OXSR1: variants seen among roughly 807,000 people sequenced by gnomAD.
OXSR1 encodes serine/threonine-protein kinase OSR1.
Under a neutral mutation model 79.8 loss-of-function variants are expected in OXSR1, and 24 were observed. That is an observed-to-expected ratio of 0.30 (90% CI 0.22 to 0.42). OXSR1 has a LOEUF of 0.42. OXSR1 is among the 10% of genes least tolerant of loss of function. OXSR1 has a pLI of 1.00. For missense variants in OXSR1, 430 were observed against 618.4 expected (o/e 0.70, Z 3.23); for synonymous variants, 226 against 209.2 (o/e 1.08, Z -0.69).
intron 4 of OXSR1, among the ~76,000 whole-genome samples, chr3:38,212,208 A>G (rs1383553589): frequency 6.6e-6 from 1 of 152,210 alleles, no homozygotes; most frequent in East Asian, 1.9e-4. Context: ...ACTGAGACCT[A>G]GGCTTAGGAG....
chr3:38,186,431 A>T (rs1701888091), intron 2 of OXSR1, among the ~76,000 whole-genome samples: 1 of 152,160 alleles, frequency 6.6e-6, no homozygotes, highest in Admixed American at 6.5e-5. Flanking sequence ...CTATCACCCC[A>T]AAAAGAAACT....
At chr3:38,179,173 C>T (rs2125805787) in intron 1 of OXSR1, among the ~76,000 whole-genome samples, 1 of 151,932 alleles carries the variant, frequency 6.6e-6, no homozygotes, top group East Asian at 1.9e-4. Flanking sequence ...TGGGACTACA[C>T]ATGTGTGCCA....
chr3:38,250,380 A>G (rs1274941786), intron 15 of OXSR1, among the ~76,000 whole-genome samples: 1 of 152,218 alleles, frequency 6.6e-6, no homozygotes, highest in Non-Finnish European at 1.5e-5. Context: ...AACTTGTTCA[A>G]GGTCACACAG....
chr3:38,244,382 C>G (rs1259516422), intron 12 of OXSR1, among the ~76,000 whole-genome samples: 1 of 152,132 alleles, frequency 6.6e-6, no homozygotes, highest in African/African-American at 2.4e-5. Flanking sequence ...TACCATCCAT[C>G]TTCAGAACTA....
At chr3:38,211,272 G>A (rs1027363114) in intron 4 of OXSR1, among the ~76,000 whole-genome samples, 4 of 152,122 alleles carry the variant, frequency 2.6e-5, no homozygotes, top group African/African-American at 9.7e-5. Flanking sequence ...TAAGTATCAG[G>A]TTGCATTGGA....
chr3:38,172,696 A>G (rs907429310), intron 1 of OXSR1, among the ~76,000 whole-genome samples: 3 of 152,048 alleles, frequency 2.0e-5, no homozygotes, highest in African/African-American at 7.3e-5. Context: ...TTAATAGTGT[A>G]TTTTTCCATT....
Position 38,247,743 on chromosome 3 carries a change from AT to A in OXSR1, c.1322+17del. 6.3e-7 allele frequency: 1 copy of A among 1,587,592 alleles called. No homozygotes were observed. Among genetic ancestry groups the A allele is most frequent in the Non-Finnish European group, 8.6e-7 (1 of 1,156,490 alleles). Reference sequence around the variant, plus strand: ...AGTACTAAGATTAAGGTAAGTAGACATTTTTTGTTTTGTTTTCTTTTGTTTT... The same window carrying A: ...AGTACTAAGATTAAGGTAAGTAGACATTTTTGTTTTGTTTTCTTTTGTTTT... On this transcript the variant is annotated intron_variant, in intron 14 of 17. Transcript: ENST00000311806.
intron 5 of OXSR1, 59 bp downstream of exon 5, chr3:38,216,210 C>G: frequency 1.9e-6 from 2 of 1,049,018 alleles, no homozygotes. Flanking sequence ...CATTACTTAT[C>G]TTTTATGTTT....
intron 1 of OXSR1, among the ~76,000 whole-genome samples, chr3:38,176,107 A>G (rs781225083): frequency 4.6e-5 from 7 of 152,128 alleles, no homozygotes; most frequent in Admixed American, 6.5e-5. Flanking sequence ...TTTTACCCGT[A>G]TGTATGAATA....
intron 4 of OXSR1, among the ~76,000 whole-genome samples, chr3:38,202,419 A>G (rs1702181813): frequency 6.6e-6 from 1 of 152,112 alleles, no homozygotes; most frequent in African/African-American, 2.4e-5. Context: ...ATTCTCTGTC[A>G]CCCAGACTGG....
In OXSR1 at chr3:38,213,422, G is replaced by C. The variant is rs551050680; in HGVS notation, c.435-2674G>C. ...CAAGATTCTCAAAAACAAAGAAAAC[G>C]TGAAAAACTGTCACAACCAAAAGGA... On this transcript the variant is annotated intron_variant, in intron 4 of 17. Transcript: ENST00000311806. 4.6e-5 allele frequency among the ~76,000 whole-genome samples: 7 copies of C among 152,178 alleles called. No individual in the cohort carries two copies. In the South Asian group the frequency reaches 6.2e-4, roughly 14 times the overall value.
intron 12 of OXSR1, among the ~76,000 whole-genome samples, chr3:38,244,670 T>TGTGTGTGTGTGTGTGTGTGTGC (rs1491372358): frequency 1.3e-4 from 19 of 149,618 alleles, no homozygotes; most frequent in African/African-American, 4.2e-4. Flanking sequence ...TGTGTGTGCG[T>TGTGTGTGTGTGTGTGTGTGTGC]GCGCATGTAC....
chr3:38,242,043 GCTAA>G (rs928438760), intron 11 of OXSR1, among the ~76,000 whole-genome samples: 49 of 152,140 alleles, frequency 3.2e-4, no homozygotes, highest in Middle Eastern at 6.8e-3. Context: ...CAGAATTACT[GCTAA>G]CTTTTATTAT....
Position 38,236,919 on chromosome 3 carries a change from T to C in OXSR1, c.1032T>C (p.Asp344=). The C allele has an allele frequency of 6.2e-7, 1 of 1,612,706 alleles. No individual in the cohort carries two copies. The highest frequency in any genetic ancestry group is 8.5e-7 in the Non-Finnish European group (1 of 1,179,090). Residue 344 remains aspartate (D), a synonymous_variant, in exon 11 of 18, where the codon GAT becomes GAC. Transcript: ENST00000311806. Reference sequence around the variant, plus strand: ...GGGAGTGGAGTGATGATGAATTTGATGAAGAAAGTGAGGAAGGGAAAGCAG... The same window carrying C: ...GGGAGTGGAGTGATGATGAATTTGACGAAGAAAGTGAGGAAGGGAAAGCAG... The part of the protein sequence containing the change: ...GGWEWSDDEF[D]EESEEGKAAI...
At chr3:38,219,779 A>AGAT (rs3058799) in intron 5 of OXSR1, among the ~76,000 whole-genome samples, 79,441 of 148,110 alleles carry the variant, frequency 0.54, 21,324 homozygotes, top group Admixed American at 0.6. Flanking sequence ...AAAACTGTTA[A>AGAT]GATGATGATG....
In OXSR1 at chr3:38,248,971, T is replaced by C. The variant is rs781296137; in HGVS notation, c.1323-995T>C. Among the ~76,000 whole-genome samples, 9 of 152,226 alleles carry C rather than the reference T, an allele frequency of 5.9e-5. No individual in the cohort carries two copies. The South Asian group carries it at 6.2e-4, about 10-fold the overall frequency. On this transcript the variant is annotated intron_variant, in intron 14 of 17. Coordinates refer to ENST00000311806, the MANE Select transcript of OXSR1 (RefSeq NM_005109.3). Reference sequence around the variant, plus strand: ...CTAGGTTGGAAGTTGATTTGAACTATGTACTTACACAGCTAAAAGCAAATT... The same window carrying C: ...CTAGGTTGGAAGTTGATTTGAACTACGTACTTACACAGCTAAAAGCAAATT...
upstream of OXSR1, among the ~76,000 whole-genome samples, chr3:38,164,290 C>A (rs1015482937): frequency 3.3e-5 from 5 of 152,132 alleles, no homozygotes; most frequent in African/African-American, 1.2e-4. Flanking sequence ...GGATTACAGG[C>A]GCCAGCCACC....
At chr3:38,243,140 C>T (rs1374612931) in intron 12 of OXSR1, among the ~76,000 whole-genome samples, 1 of 151,834 alleles carries the variant, frequency 6.6e-6, no homozygotes, top group Non-Finnish European at 1.5e-5. Flanking sequence ...CTCAAGTGAT[C>T]CTTCCACCTC....
At chr3:38,204,220 C>CT (rs1702224926) in intron 4 of OXSR1, among the ~76,000 whole-genome samples, 1 of 152,102 alleles carries the variant, frequency 6.6e-6, no homozygotes, top group African/African-American at 2.4e-5. Flanking sequence ...TCCTAGGACT[C>CT]TCCCTTCAGG....
Sources: allele counts gnomAD v4.1 joint callset (sites outside exome capture counted in the v4.1 genomes callset), GRCh38; gene constraint gnomAD v4.1.1; transcripts MANE v1.5; gene names NCBI Gene and HGNC (gene_info 2026-07-23, HGNC 2026-07-21).